Variants in HDAC1 observed in about 807,000 individuals in gnomAD.
The protein encoded by HDAC1 is histone deacetylase 1.
A neutral mutation model predicts 65.5 loss-of-function variants in HDAC1; 18 were observed. That is an observed-to-expected ratio of 0.27 (90% CI 0.19 to 0.41). The LOEUF is 0.41. Ranked by LOEUF, HDAC1 falls within the 10% of genes least tolerant of loss-of-function variation. The probability of loss-of-function intolerance (pLI) is 1.00; values close to 1 mark genes in which losing one functional copy is unlikely to be tolerated. For missense variants in HDAC1, 373 were observed against 625.2 expected, an observed-to-expected ratio of 0.60 and a Z score of 4.30; for synonymous variants, 211 against 227.9, an observed-to-expected ratio of 0.93 and a Z score of 0.67.
rs781428753 is a variant in HDAC1, at chr1:32,316,749, A to G, written c.247A>G (p.Asn83Asp). ...IKFLRSIRPD[N>D]MSEYSKQMQR... ...ATTCTTGCGCTCCATCCGTCCAGAT[A>G]ACATGTCGGAGTACAGCAAGCAGAT... Residue 83 changes from asparagine (N) to aspartate (D), a missense_variant, in exon 3 of 14, where the codon AAC becomes GAC. Coordinates refer to ENST00000373548, the MANE Select transcript of HDAC1 (RefSeq NM_004964.3). The G allele has an allele frequency of 6.2e-7, 1 of 1,612,952 alleles. No homozygotes were observed. Among genetic ancestry groups the G allele is most frequent in the Non-Finnish European group, 8.5e-7 (1 of 1,178,938 alleles).
chr1:32,317,813 A>G (rs1441233540), intron 3 of HDAC1, among the ~76,000 whole-genome samples: 1 of 152,172 alleles, frequency 6.6e-6, no homozygotes, highest in African/African-American at 2.4e-5. Flanking sequence ...AGAGGTTTCC[A>G]TAACCCATTT....
intron 1 of HDAC1, among the ~76,000 whole-genome samples, chr1:32,296,014 C>T (rs1640762934): frequency 6.6e-6 from 1 of 152,158 alleles, no homozygotes; most frequent in Admixed American, 6.6e-5. Context: ...GCCCCTCATG[C>T]TGTGTACTCC....
At position 32,330,933 on chromosome 1, in the gene HDAC1, G is replaced by GA; in HGVS notation, c.979+25_979+26insA. On this transcript the variant is annotated intron_variant, in intron 9 of 13. Coordinates refer to ENST00000373548, the MANE Select transcript of HDAC1 (RefSeq NM_004964.3). The surrounding 1 kb of genome is among the most constrained non-coding windows in gnomAD (Gnocchi z 4.2). ...GGTAATAGCTGCAGGGCCAGGTTCGGCTGGGCTGGGTGGGAGCTGGAGCTC... is the reference window on the plus strand; with the variant it reads ...GGTAATAGCTGCAGGGCCAGGTTCGGACTGGGCTGGGTGGGAGCTGGAGCTC... The GA allele has an allele frequency of 1.2e-5, 19 of 1,613,440 alleles. No individual in the cohort carries two copies. The highest frequency in any genetic ancestry group is 1.5e-5 in the Non-Finnish European group (18 of 1,179,436).
intron 2 of HDAC1, among the ~76,000 whole-genome samples, chr1:32,305,153 GTTC>G (rs1640895249): frequency 6.6e-6 from 1 of 152,122 alleles, no homozygotes; most frequent in African/African-American, 2.4e-5. Flanking sequence ...TGCTAAACAT[GTTC>G]TTGAGACTCA....
At chr1:32,314,729 G>T (rs886527367) in intron 2 of HDAC1, among the ~76,000 whole-genome samples, 3 of 151,716 alleles carry the variant, frequency 2.0e-5, no homozygotes, top group African/African-American at 7.3e-5. Context: ...GGGAGGCTGA[G>T]GCAGGAGAAT....
rs531559591 is a variant in HDAC1 at position 32,315,385 on chromosome 1, T to G, written c.163-1280T>G. ...TTATTTTTTTGAGAGGAAGTTTCAC[T>G]CTTGTTGCCCAGGATGGAGTGCAGT... On this transcript the variant is annotated intron_variant, in intron 2 of 13. Transcript: ENST00000373548. Among the ~76,000 whole-genome samples the G allele has an allele frequency of 7.5e-4, 114 of 151,784 alleles. 1 individual carries two copies. Among genetic ancestry groups the G allele is most frequent in the South Asian group, 3.7e-3 (18 of 4,808 alleles).
Position 32,333,071 on chromosome 1 carries a change from G to A in HDAC1, c.*27G>A, listed in dbSNP as rs1557614470. 1 of 1,602,546 alleles carries A rather than the reference G, an allele frequency of 6.2e-7. No individual in the cohort carries two copies. Among genetic ancestry groups the A allele is most frequent in the East Asian group, 2.2e-5 (1 of 44,806 alleles). On this transcript the variant is annotated 3_prime_UTR_variant, in exon 14 of 14. Coordinates refer to ENST00000373548, the MANE Select transcript of HDAC1 (RefSeq NM_004964.3). ...TGGACCTCTCCAGCTCTGGCTTCCT[G>A]CTGAGTCCCTCACGTTTCTTCCCCA...
Position 32,331,325 on chromosome 1 carries a change from AC to A in HDAC1, c.980-146del. 2 of 630,202 alleles carry A rather than the reference AC, an allele frequency of 3.2e-6. No individual in the cohort carries two copies. The highest frequency in any genetic ancestry group is 3.9e-5 in the South Asian group (2 of 51,598). The allele number at this position is 630,202 out of a possible 1,614,324, so 39.0% of individuals were successfully genotyped here. A position where few individuals can be genotyped will look rare whatever the true frequency, so the allele number is the denominator to read the frequency against. ...TTAAAAAGATGGAAATCCCATAGGT[AC>A]CCGTGTCTCACAGTGTCTTGGAGGC... On this transcript the variant is annotated intron_variant, in intron 9 of 13. Coordinates refer to ENST00000373548, the MANE Select transcript of HDAC1 (RefSeq NM_004964.3). The surrounding 1 kb of genome is among the most constrained non-coding windows in gnomAD (Gnocchi z 4.2).
In HDAC1 at chr1:32,333,426, C is replaced by CCATTTT. The variant is rs1214413279; in HGVS notation, c.*382_*383insCATTTT. ...TCAAGGATCTCCTGTTTTTTTCAGGCTCCTAAAGTAACATCAGCCATTTTT... is the reference window on the plus strand; with the variant it reads ...TCAAGGATCTCCTGTTTTTTTCAGGCCATTTTTCCTAAAGTAACATCAGCCATTTTT... On this transcript the variant is annotated 3_prime_UTR_variant, in exon 14 of 14. Transcript: ENST00000373548. The CCATTTT allele has an allele frequency of 2.5e-5, 4 of 160,616 alleles. No individual in the cohort carries two copies. The highest frequency in any genetic ancestry group is 9.6e-5 in the African/African-American group (4 of 41,588). 9.9% of individuals were successfully genotyped at this position (160,616 alleles called of 1,614,324 possible). A position where few individuals can be genotyped will look rare whatever the true frequency, so the allele number is the denominator to read the frequency against.
chr1:32,307,694 G>A (rs1640930144), intron 2 of HDAC1, among the ~76,000 whole-genome samples: 2 of 152,176 alleles, frequency 1.3e-5, no homozygotes, highest in South Asian at 4.1e-4. Context: ...AACTGGAACT[G>A]TAGAAACCAA....
chr1:32,296,535 T>C (rs1428176901), intron 1 of HDAC1, among the ~76,000 whole-genome samples: 2 of 152,152 alleles, frequency 1.3e-5, no homozygotes, highest in Non-Finnish European at 2.9e-5. Context: ...ATTTTTTGTT[T>C]AGAAGACAAA....
Position 32,331,667 on chromosome 1 carries a change from TG to T in HDAC1, c.1089-7del. ...CCAGAGCCCTGCTACTCTCTCCCAT[TG>T]GCCACAGACAGCGACTGTTTGAGAA... On this transcript the variant is annotated splice_polypyrimidine_tract_variant and splice_region_variant and intron_variant, in intron 10 of 13. Transcript: ENST00000373548. This position sits in a 1 kb window ranked among gnomAD's most constrained non-coding sequence, Gnocchi z 4.2. 1 of 1,613,396 alleles carries T rather than the reference TG, an allele frequency of 6.2e-7. No individual in the cohort carries two copies. Among genetic ancestry groups the T allele is most frequent in the Non-Finnish European group, 8.5e-7 (1 of 1,179,492 alleles).
intron 2 of HDAC1, among the ~76,000 whole-genome samples, chr1:32,311,966 C>A (rs1557604468): frequency 6.6e-6 from 1 of 152,104 alleles, no homozygotes; most frequent in South Asian, 2.1e-4. Context: ...AGTAAAAAAA[C>A]AACTTGGTAT....
chr1:32,313,318 C>T (rs1396389002), intron 2 of HDAC1, among the ~76,000 whole-genome samples: 1 of 151,932 alleles, frequency 6.6e-6, no homozygotes, highest in African/African-American at 2.4e-5. Flanking sequence ...TGGTCTTGAA[C>T]TCCTGGCCTC....
intron 6 of HDAC1, among the ~76,000 whole-genome samples, chr1:32,328,366 C>T (rs1456621990): frequency 6.6e-6 from 1 of 151,534 alleles, no homozygotes; most frequent in Non-Finnish European, 1.5e-5. Context: ...GCCTGGAGTG[C>T]AGTGGCGTGA....
At chr1:32,313,656 T>C (rs549276608) in intron 2 of HDAC1, among the ~76,000 whole-genome samples, 52 of 152,296 alleles carry the variant, frequency 3.4e-4, no homozygotes, top group African/African-American at 1.2e-3. Context: ...CTCAGCATCA[T>C]TTAGTTATAA....
intron 11 of HDAC1, 47 bp from the exon 12 acceptor site, chr1:32,332,043 A>G (rs1570043227): frequency 2.0e-6 from 3 of 1,509,818 alleles, no homozygotes; most frequent in Non-Finnish European, 2.7e-6. Context: ...GCTGAGCTAA[A>G]TCAGCACCCG....
At chr1:32,321,575 C>T (rs925489079) in intron 3 of HDAC1, among the ~76,000 whole-genome samples, 2 of 152,076 alleles carry the variant, frequency 1.3e-5, no homozygotes, top group Non-Finnish European at 1.5e-5. Context: ...GAGAGAAAAC[C>T]CATGGAAAAG....
intron 1 of HDAC1, among the ~76,000 whole-genome samples, chr1:32,293,556 C>T (rs1341388798): frequency 6.6e-6 from 1 of 151,146 alleles, no homozygotes; most frequent in Non-Finnish European, 1.5e-5. Context: ...TCACTCGGGG[C>T]CAGGAGTTCA....
Sources: allele counts gnomAD v4.1 joint callset (sites outside exome capture counted in the v4.1 genomes callset), GRCh38; gene constraint gnomAD v4.1.1; non-coding constraint Gnocchi (gnomAD v3.1); transcripts MANE v1.5; gene names NCBI Gene and HGNC (gene_info 2026-07-23, HGNC 2026-07-21).